BRD8: variants seen among roughly 807,000 people sequenced by gnomAD.
BRD8 encodes the protein bromodomain-containing protein 8.
Under a neutral mutation model 143.1 loss-of-function variants are expected in BRD8, and 67 were observed. The ratio of observed to expected loss-of-function variants is 0.47; its 90% CI spans 0.38 to 0.57. BRD8 has a LOEUF of 0.57. BRD8 is among the 20% of genes least tolerant of loss of function. The probability of loss-of-function intolerance (pLI) is 0.00; values close to 1 mark genes in which losing one functional copy is unlikely to be tolerated. For missense variants in BRD8, 1,103 were observed against 1,503.0 expected (o/e 0.73, Z 4.40); for synonymous variants, 505 against 517.1 (o/e 0.98, Z 0.32).
intron 18 of BRD8, among the ~76,000 whole-genome samples, 160 bp downstream of exon 18, chr5:138,160,731 A>G (rs894359005): frequency 6.6e-6 from 1 of 152,248 alleles, no homozygotes; most frequent in Non-Finnish European, 1.5e-5. Context: ...TCACCACACC[A>G]AAGAAAATAA....
rs1168902055 is a variant in BRD8 at position 138,164,682 on chromosome 5, C to T, written c.1731+32G>A. On this transcript the variant is annotated intron_variant, in intron 12 of 26. Transcript: ENST00000254900. ...CACTTCTTATCTAAGGTATAAACCT[C>T]CATCTCCCCAGCCCCGATCTTTCTT... The T allele has an allele frequency of 1.9e-6, 3 of 1,606,912 alleles. No individual in the cohort carries two copies. The South Asian group carries it at 3.3e-5, about 18-fold the overall frequency.
In BRD8 at chr5:138,172,213, T is replaced by A. The variant is rs1402760242; in HGVS notation, c.117-79A>T. The A allele has an allele frequency of 3.3e-6, 4 of 1,208,812 alleles. No homozygotes were observed. In the East Asian group the frequency reaches 9.5e-5, roughly 29 times the overall value. 74.9% of individuals were successfully genotyped at this position (1,208,812 alleles called of 1,614,324 possible). A position where few individuals can be genotyped will look rare whatever the true frequency, so the allele number is the denominator to read the frequency against. Reference sequence around the variant, plus strand: ...TATGCTGAGAGTGCAAGGCTTGGAGTTCAAACTTTGGAATAAAAAAGATGC... The same window carrying A: ...TATGCTGAGAGTGCAAGGCTTGGAGATCAAACTTTGGAATAAAAAAGATGC... On this transcript the variant is annotated intron_variant, in intron 2 of 26. Transcript: ENST00000254900.
At chr5:138,140,930 A>T (rs1161390659) in intron 25 of BRD8, 48 bp from the exon 26 acceptor site, 3 of 1,587,350 alleles carry the variant, frequency 1.9e-6, no homozygotes, top group African/African-American at 2.7e-5. Context: ...TTCATGTGGA[A>T]CATATGATAA....
chr5:138,145,089 T>C (rs1410124879), intron 25 of BRD8, 88 bp downstream of exon 25: 20 of 1,341,998 alleles, frequency 1.5e-5, no homozygotes, highest in Non-Finnish European at 2.1e-5. Context: ...AGTTTGTAAG[T>C]TATAAAAATA....
chr5:138,175,600 G>A (rs745852332), intron 2 of BRD8, among the ~76,000 whole-genome samples: 15 of 151,540 alleles, frequency 9.9e-5, no homozygotes, highest in Non-Finnish European at 2.1e-4. Context: ...AACTACTCAG[G>A]ATGCTAAACT....
chr5:138,144,048 C>G lies in BRD8; in HGVS notation c.3437+1129G>C, dbSNP rs186733056. Among the ~76,000 whole-genome samples, 17 of 152,140 alleles carry G rather than the reference C, an allele frequency of 1.1e-4. No homozygotes were observed. The East Asian group carries it at 2.9e-3, about 26-fold the overall frequency. ...TACCTTTATGAACTGTAACACTCAC[C>G]GTGAAGGTCAGCCGCTTCGCTCCTG... On this transcript the variant is annotated intron_variant, in intron 25 of 26. Transcript: ENST00000254900.
In BRD8 at chr5:138,170,258, T is replaced by C. The variant is rs1581450806; in HGVS notation, c.505+87A>G. 6.5e-6 allele frequency: 6 copies of C among 924,624 alleles called. No individual in the cohort carries two copies. The Admixed American group carries it at 9.4e-5, about 15-fold the overall frequency. The allele number at this position is 924,624 out of a possible 1,614,324, so 57.3% of individuals were successfully genotyped here. The stretch of plus-strand genomic sequence containing the variant: ...AACTGCAAGTAAATTTAAATCAATG[T>C]ATTCTATGTTACAAAACAGTCCAAC... On this transcript the variant is annotated intron_variant, in intron 7 of 26. Coordinates refer to ENST00000254900, the MANE Select transcript of BRD8 (RefSeq NM_139199.2).
At chr5:138,165,655 G>A (rs1180969969) in intron 11 of BRD8, among the ~76,000 whole-genome samples, 173 bp downstream of exon 11, 4 of 151,542 alleles carry the variant, frequency 2.6e-5, no homozygotes, top group Non-Finnish European at 5.9e-5. Flanking sequence ...GAGGCTGGGA[G>A]GCAGAGGTAA....
At chr5:138,154,773 G>A (rs1007914899) in intron 20 of BRD8, among the ~76,000 whole-genome samples, 75 of 151,474 alleles carry the variant, frequency 5.0e-4, no homozygotes, top group African/African-American at 1.8e-3. Context: ...TAGTTATAAA[G>A]TGATATTCAT....
At chr5:138,171,808 GT>G (rs1753886814) in intron 3 of BRD8, among the ~76,000 whole-genome samples, 1 of 152,132 alleles carries the variant, frequency 6.6e-6, no homozygotes, top group African/African-American at 2.4e-5. Context: ...ATGGCCCAAA[GT>G]TTTTAGATGG....
chr5:138,166,245 T>G (rs1218686732), intron 10 of BRD8, 137 bp from the exon 11 acceptor site: 3 of 690,416 alleles, frequency 4.3e-6, no homozygotes, highest in Non-Finnish European at 7.4e-6. Flanking sequence ...CATGTGCCTA[T>G]GTTTTCTTCT....
rs150525307 is a variant in BRD8 at position 138,169,332 on chromosome 5, G to A, written c.532C>T (p.Arg178Trp). ...CGAACCATCACAGTGGGTAACCTCC[G>A]GGGGGGTGTTTTTACTGCTTGACGA... ...QARQAVKTPP[R>W]RLPTVMVRSP... The change falls in exon 8 of 27, where the codon CGG becomes TGG. Residue 178 changes from arginine (R) to tryptophan (W), a missense_variant. Coordinates refer to ENST00000254900, the MANE Select transcript of BRD8 (RefSeq NM_139199.2). 5 of 1,612,754 alleles carry A rather than the reference G, an allele frequency of 3.1e-6. No homozygotes were observed. The highest frequency in any genetic ancestry group is 2.2e-5 in the East Asian group (1 of 44,842).
At chr5:138,172,914 A>G (rs1189493762) in intron 2 of BRD8, 2 of 182,342 alleles carry the variant, frequency 1.1e-5, no homozygotes, top group Middle Eastern at 9.8e-4. Context: ...TTAGAAAATG[A>G]GGGGGATGAA....
chr5:138,144,192 CCAACCCA>C (rs1329924210), intron 25 of BRD8, among the ~76,000 whole-genome samples: 2 of 152,048 alleles, frequency 1.3e-5, no homozygotes, highest in African/African-American at 4.8e-5. Flanking sequence ...AGCGAGACCA[CCAACCCA>C]CTGGGAGGAA....
At chr5:138,162,724 T>C (rs1753087404) in intron 15 of BRD8, among the ~76,000 whole-genome samples, 1 of 151,950 alleles carries the variant, frequency 6.6e-6, no homozygotes, top group African/African-American at 2.4e-5. Context: ...AGGCCAGGCA[T>C]GGTGTCTCAC....
In BRD8 at chr5:138,169,287, A is replaced by G. The variant is rs1386342878; in HGVS notation, c.577T>C (p.Ser193Pro). ...VMVRSPIDSASPGGDYPLGDL... is the reference protein window; with the variant it reads ...VMVRSPIDSAPPGGDYPLGDL... ...CCAAGTGGATAATCACCTCCTGGGG[A>G]GGCAGAATCTATAGGAGAGCGAACC... Residue 193 changes from serine to proline, a missense_variant, in exon 8 of 27, where the codon TCC becomes CCC. By Grantham distance (74) the Ser-to-Pro change is moderately conservative (BLOSUM62 -1). Transcript: ENST00000254900. The G allele has an allele frequency of 1.2e-6, 2 of 1,614,112 alleles. No individual in the cohort carries two copies. The highest frequency in any genetic ancestry group is 2.2e-5 in the South Asian group (2 of 91,080).
At chr5:138,158,796 C>T (rs746965549) in intron 20 of BRD8, among the ~76,000 whole-genome samples, 6 of 146,370 alleles carry the variant, frequency 4.1e-5, no homozygotes, top group Admixed American at 6.8e-5. Flanking sequence ...GACAAGGTCT[C>T]GCTCTGTCAC....
At chr5:138,140,944 AACAC>A (rs1282795446) in intron 25 of BRD8, 62 bp from the exon 26 acceptor site, 1 of 1,554,800 alleles carries the variant, frequency 6.4e-7, no homozygotes, top group African/African-American at 1.4e-5. Flanking sequence ...ATGATAACCT[AACAC>A]GTTCTCTTGA....
At position 138,163,193 on chromosome 5, in the gene BRD8, T is replaced by C. The variant is rs765961990; in HGVS notation, c.2024A>G (p.Asn675Ser). 1.9e-6 allele frequency: 3 copies of C among 1,613,930 alleles called. No homozygotes were observed. The highest frequency in any genetic ancestry group is 2.7e-5 in the African/African-American group (2 of 74,890). ...CAGTGTGTGTGACTGCAGTGTAGCA[T>C]TGTGTATGCTGAAGCCATCATCACT... ...SESDDGFSIH[N>S]ATLQSHTLAD... The change falls in exon 15 of 27, where the codon AAT (asparagine) becomes AGT (serine). Residue 675 changes from asparagine to serine, a missense_variant. Physicochemically the swap from Asn to Ser is conservative, Grantham distance 46 (BLOSUM62 1). Around this residue, in one of 7 missense-constraint regions of BRD8, gnomAD observed 75 missense variants for 111.7 expected, o/e 0.67. Coordinates refer to ENST00000254900, the MANE Select transcript of BRD8 (RefSeq NM_139199.2).
Sources: gnomAD v4.1 joint callset for allele counts (sites outside exome capture counted in the v4.1 genomes callset) on GRCh38, gnomAD v4.1.1 for gene constraint, gnomAD v4.1.1 regional missense constraint, MANE v1.5 for transcripts, NCBI Gene and HGNC (gene_info 2026-07-23, HGNC 2026-07-21) for gene names.